The following PTBP3 variants were observed in gnomAD, a reference collection of about 807,000 sequenced individuals.
The protein encoded by PTBP3 is polypyrimidine tract binding protein 3.
In PTBP3, 20 loss-of-function variants were observed where a neutral mutation model predicts 58.7. The ratio of observed to expected loss-of-function variants is 0.34; its 90% CI spans 0.24 to 0.50. The LOEUF (loss-of-function observed/expected upper bound fraction) is 0.50, where lower values mean the gene tolerates loss of function less well. PTBP3 is among the 20% of genes least tolerant of loss of function. PTBP3 has a pLI of 0.98. For missense variants in PTBP3, 509 were observed against 637.2 expected (o/e 0.80, Z 2.17); for synonymous variants, 185 against 219.8 (o/e 0.84, Z 1.40).
the PTBP3 span, among the ~76,000 whole-genome samples, chr9:112,350,037 G>T: frequency 6.7e-6 from 1 of 148,436 alleles, no homozygotes. Flanking sequence ...TCCTCAGATG[G>T]TTTTTTTTTT....
intron 3 of PTBP3, among the ~76,000 whole-genome samples, chr9:112,269,065 C>T (rs937074536): frequency 1.3e-4 from 20 of 151,922 alleles, no homozygotes; most frequent in Non-Finnish European, 1.0e-4. Flanking sequence ...GAATGATTGT[C>T]GGGTGCCTGT....
At chr9:112,326,114 T>A (rs1268683024) in intron 1 of PTBP3, among the ~76,000 whole-genome samples, 1 of 152,228 alleles carries the variant, frequency 6.6e-6, no homozygotes, top group Non-Finnish European at 1.5e-5. Flanking sequence ...CTTTCTAGAC[T>A]GCGTGTTCTA....
At chr9:112,361,330 C>A in the PTBP3 span, among the ~76,000 whole-genome samples, 1 of 152,082 alleles carries the variant, frequency 6.6e-6, no homozygotes, top group Admixed American at 6.5e-5. Context: ...AACTCCTGAC[C>A]TCAGGTGATC....
intron 2 of PTBP3, chr9:112,280,951 T>C (rs945104615): frequency 1.3e-5 from 2 of 152,180 alleles, no homozygotes; most frequent in African/African-American, 2.4e-5. Context: ...CAGCTTCATA[T>C]TGATGCCATT....
chr9:112,351,458 A>G, the PTBP3 span, among the ~76,000 whole-genome samples: 1 of 152,196 alleles, frequency 6.6e-6, no homozygotes, highest in African/African-American at 2.4e-5. Context: ...TGACTGAGGT[A>G]GTCTGTCAAT....
chr9:112,234,695 C>T (rs1835374577), intron 8 of PTBP3, 125 bp downstream of exon 8: 1 of 811,230 alleles, frequency 1.2e-6, no homozygotes, highest in Non-Finnish European at 2.0e-6. Context: ...TACACTTCTA[C>T]AGCTGATATG....
chr9:112,330,385 G>GA (rs1404151057), intron 1 of PTBP3: 4 of 1,323,438 alleles, frequency 3.0e-6, no homozygotes, highest in African/African-American at 3.0e-5. Context: ...AGGTGAGACT[G>GA]AAAATATGCC....
intron 7 of PTBP3, among the ~76,000 whole-genome samples, chr9:112,244,289 C>CGAAAAAAAAAAAAA (rs569972379): frequency 2.8e-5 from 1 of 36,318 alleles, no homozygotes; most frequent in Non-Finnish European, 5.1e-5. Context: ...GACTCTGTCT[C>CGAAAAAAAAAAAAA]AAAAAAAAAA....
the PTBP3 span, among the ~76,000 whole-genome samples, chr9:112,352,405 C>T: frequency 2.0e-5 from 3 of 152,162 alleles, no homozygotes; most frequent in Non-Finnish European, 4.4e-5. Context: ...TTACTTTGGT[C>T]AACGGTTGCA....
upstream of PTBP3, among the ~76,000 whole-genome samples, chr9:112,338,592 G>A (rs979171243): frequency 9.2e-5 from 14 of 152,176 alleles, no homozygotes; most frequent in African/African-American, 3.4e-4. Flanking sequence ...AATGGCATGT[G>A]AGTATAATTT....
chr9:112,239,915 A>G, intron 7 of PTBP3, among the ~76,000 whole-genome samples: 1 of 150,036 alleles, frequency 6.7e-6, no homozygotes, highest in Non-Finnish European at 1.5e-5. Context: ...ATTCTGAGGA[A>G]GACCTTGACA....
At chr9:112,357,213 C>T in the PTBP3 span, among the ~76,000 whole-genome samples, 2 of 152,174 alleles carry the variant, frequency 1.3e-5, no homozygotes, top group East Asian at 1.9e-4. Context: ...CATACTAAGA[C>T]GTGGAAATTC....
At chr9:112,260,499 G>T (rs1047721028) in intron 5 of PTBP3, among the ~76,000 whole-genome samples, 1 of 152,130 alleles carries the variant, frequency 6.6e-6, no homozygotes, top group Non-Finnish European at 1.5e-5. Context: ...TTAGATTCAG[G>T]CTCCCTGAGG....
chr9:112,306,459 C>CAAA (rs34048627), intron 1 of PTBP3, among the ~76,000 whole-genome samples: 12 of 142,506 alleles, frequency 8.4e-5, no homozygotes, highest in African/African-American at 2.8e-4. Flanking sequence ...TGTGCCTGGG[C>CAAA]AAAAAAAAAA....
intron 4 of PTBP3, among the ~76,000 whole-genome samples, chr9:112,264,998 TTTC>T (rs1836738948): frequency 1.3e-5 from 2 of 152,150 alleles, no homozygotes; most frequent in African/African-American, 4.8e-5. Flanking sequence ...AAAATATAAC[TTTC>T]TTCTTAAAAG....
chr9:112,285,208 C>T (rs1175215021), intron 2 of PTBP3, among the ~76,000 whole-genome samples: 1 of 152,142 alleles, frequency 6.6e-6, no homozygotes, highest in African/African-American at 2.4e-5. Context: ...AGCAAGTTCT[C>T]ACAACATGAT....
At chr9:112,351,712 T>G in the PTBP3 span, among the ~76,000 whole-genome samples, 1 of 152,328 alleles carries the variant, frequency 6.6e-6, no homozygotes, top group Non-Finnish European at 1.5e-5. Context: ...TATTTTATAC[T>G]TTGATTATAA....
At chr9:112,330,464 C>G in intron 1 of PTBP3, 1 of 1,527,658 alleles carries the variant, frequency 6.5e-7, no homozygotes. Context: ...GTTATAAGAT[C>G]TGTAACAACA....
the PTBP3 span, among the ~76,000 whole-genome samples, chr9:112,374,725 C>T: frequency 9.9e-4 from 150 of 152,284 alleles, 1 homozygote; most frequent in East Asian, 3.1e-3. Flanking sequence ...TGGAATACCA[C>T]GACAGTGGAT....
Sources: gnomAD v4.1 joint callset for allele counts (sites outside exome capture counted in the v4.1 genomes callset) on GRCh38, gnomAD v4.1.1 for gene constraint, MANE v1.5 for transcripts, NCBI Gene and HGNC (gene_info 2026-07-23, HGNC 2026-07-21) for gene names.